The following NLGN1 variants were observed in gnomAD, a reference collection of about 807,000 sequenced individuals.
NLGN1 encodes the protein neuroligin 1, also known as neuroligin-1.
NLGN1 carries 12 observed loss-of-function variants against 65.5 expected under a neutral mutation model. The observed-to-expected ratio is 0.18, with a 90% CI of 0.12 to 0.30. NLGN1 has a LOEUF of 0.30. NLGN1 is among the 10% of genes least tolerant of loss of function. The probability of loss-of-function intolerance (pLI) is 1.00; values close to 1 mark genes in which losing one functional copy is unlikely to be tolerated. For synonymous variants in NLGN1, 350 were observed against 359.5 expected, an observed-to-expected ratio of 0.97 and a Z score of 0.30; for missense variants, 750 against 1,007.1, an observed-to-expected ratio of 0.74 and a Z score of 3.46.
At chr3:174,156,979 A>G (rs1169246520) in intron 4 of NLGN1, among the ~76,000 whole-genome samples, 1 of 149,680 alleles carries the variant, frequency 6.7e-6, no homozygotes, top group East Asian at 1.9e-4. Flanking sequence ...TTATTTAAGG[A>G]ATATATGTAT....
At chr3:173,917,841 T>TTG (rs145802137) in intron 4 of NLGN1, among the ~76,000 whole-genome samples, 4,187 of 146,446 alleles carry the variant, frequency 0.029, 104 homozygotes, top group South Asian at 0.08. Flanking sequence ...CAAAGCAACA[T>TTG]TGTGTGTGTG....
At chr3:173,713,917 T>C (rs1181015557) in intron 3 of NLGN1, among the ~76,000 whole-genome samples, 1 of 152,142 alleles carries the variant, frequency 6.6e-6, no homozygotes, top group Non-Finnish European at 1.5e-5. Context: ...GCTTTATTGC[T>C]AAAGAGTTAT....
At chr3:174,048,935 T>G (rs1427233136) in intron 4 of NLGN1, among the ~76,000 whole-genome samples, 1 of 151,892 alleles carries the variant, frequency 6.6e-6, no homozygotes, top group Non-Finnish European at 1.5e-5. Flanking sequence ...GTGCTGTAAA[T>G]AAAAAATAAT....
At chr3:173,892,634 C>T (rs1735572743) in intron 4 of NLGN1, among the ~76,000 whole-genome samples, 1 of 150,736 alleles carries the variant, frequency 6.6e-6, no homozygotes, top group Non-Finnish European at 1.5e-5. Flanking sequence ...ATTAAACTAA[C>T]ATTTTTAGCA....
chr3:174,184,118 A>G (rs1416852955), intron 4 of NLGN1, among the ~76,000 whole-genome samples: 2 of 152,186 alleles, frequency 1.3e-5, no homozygotes, highest in Non-Finnish European at 2.9e-5. Context: ...ACATTGCTCA[A>G]TAAAGAAATA....
intron 4 of NLGN1, among the ~76,000 whole-genome samples, chr3:173,906,728 G>A (rs759585787): frequency 6.6e-6 from 1 of 151,764 alleles, no homozygotes; most frequent in Non-Finnish European, 1.5e-5. Context: ...AGGTGCACCC[G>A]TAATTCCAGC....
intron 2 of NLGN1, among the ~76,000 whole-genome samples, chr3:173,507,553 G>A (rs1285476434): frequency 1.3e-5 from 2 of 152,018 alleles, no homozygotes; most frequent in East Asian, 1.9e-4. Context: ...AAATTAGCAA[G>A]TAATCATTTG....
intron 3 of NLGN1, among the ~76,000 whole-genome samples, chr3:173,696,999 A>C (rs2149852429): frequency 6.6e-6 from 1 of 152,340 alleles, no homozygotes; most frequent in Admixed American, 6.5e-5. Context: ...ATAGAGCCAT[A>C]GAGCAAGCCA....
At chr3:174,262,148 T>G (rs552995028) in intron 4 of NLGN1, among the ~76,000 whole-genome samples, 8,501 of 93,558 alleles carry the variant, frequency 0.091, 669 homozygotes, top group East Asian at 0.34. Context: ...AAATTCTCTT[T>G]TTTTGGTTGT....
chr3:173,922,750 G>A (rs115245685), intron 4 of NLGN1, among the ~76,000 whole-genome samples: 192 of 152,082 alleles, frequency 1.3e-3, no homozygotes, highest in African/African-American at 4.4e-3. Flanking sequence ...GCCATGTGTC[G>A]TCTCTGGAAA....
At chr3:173,800,310 C>T (rs1715174651) in intron 3 of NLGN1, 2 of 1,204,728 alleles carry the variant, frequency 1.7e-6, no homozygotes, top group South Asian at 1.5e-5. Flanking sequence ...TACAAAGAAA[C>T]AGACAGATGA....
chr3:173,879,465 C>T lies in NLGN1; in HGVS notation c.646+71633C>T, dbSNP rs146201178. On this transcript the variant is annotated intron_variant, in intron 4 of 6. Transcript: ENST00000457714. ...TTCATTTTTAAAATAGTTTCTATAT[C>T]GCAGCTGACATATCATTGTATTAAT... Among the ~76,000 whole-genome samples the T allele has an allele frequency of 3.3e-5, 5 of 152,124 alleles. No individual in the cohort carries two copies. In the East Asian group the frequency reaches 7.7e-4, roughly 24 times the overall value.
chr3:173,936,382 C>T (rs897589215), intron 4 of NLGN1, among the ~76,000 whole-genome samples: 41 of 151,894 alleles, frequency 2.7e-4, no homozygotes, highest in African/African-American at 8.2e-4. Context: ...CCTTACACCA[C>T]GGGTTTAGAA....
At chr3:173,905,427 A>G (rs935953819) in intron 4 of NLGN1, among the ~76,000 whole-genome samples, 3 of 152,222 alleles carry the variant, frequency 2.0e-5, no homozygotes, top group Admixed American at 1.3e-4. Context: ...ATGCTGGTTC[A>G]CTGAGAAAGA....
chr3:173,907,051 T>C (rs1182885132), intron 4 of NLGN1, among the ~76,000 whole-genome samples: 3 of 152,102 alleles, frequency 2.0e-5, no homozygotes, highest in African/African-American at 7.2e-5. Flanking sequence ...ATCTTCCCAA[T>C]CTCCCAGGCC....
At chr3:174,225,066 G>A (rs1193264772) in intron 4 of NLGN1, among the ~76,000 whole-genome samples, 1 of 152,120 alleles carries the variant, frequency 6.6e-6, no homozygotes, top group Non-Finnish European at 1.5e-5. Context: ...AAAAATACAA[G>A]TATCTTAAAT....
chr3:174,249,055 A>G (rs1744312001), intron 4 of NLGN1, among the ~76,000 whole-genome samples: 4 of 152,188 alleles, frequency 2.6e-5, no homozygotes. Context: ...TAGCAATTCC[A>G]TTAGTGCCCA....
intron 4 of NLGN1, among the ~76,000 whole-genome samples, chr3:174,257,582 A>G (rs951569411): frequency 1.3e-5 from 2 of 152,150 alleles, no homozygotes; most frequent in Admixed American, 6.6e-5. Context: ...GCAGCCAATA[A>G]AAGGAATGAG....
At chr3:174,155,831 G>T (rs1477744236) in intron 4 of NLGN1, among the ~76,000 whole-genome samples, 1 of 151,918 alleles carries the variant, frequency 6.6e-6, no homozygotes, top group East Asian at 1.9e-4. Flanking sequence ...AAGGCTTGTG[G>T]TGTTTTCAGG....
Sources: allele counts gnomAD v4.1 joint callset (sites outside exome capture counted in the v4.1 genomes callset), GRCh38; gene constraint gnomAD v4.1.1; transcripts MANE v1.5; gene names NCBI Gene and HGNC (gene_info 2026-07-23, HGNC 2026-07-21).